DCLRE1C: variants seen among roughly 807,000 people sequenced by gnomAD.
The protein encoded by DCLRE1C is protein artemis.
In DCLRE1C, 47 loss-of-function variants were observed where a neutral mutation model predicts 61.4. The ratio of observed to expected loss-of-function variants is 0.77; its 90% CI spans 0.61 to 0.98. The LOEUF (loss-of-function observed/expected upper bound fraction) is 0.98. DCLRE1C is among the 50% of genes least tolerant of loss of function. The pLI is 0.00. For missense variants in DCLRE1C, 858 were observed against 816.0 expected, an observed-to-expected ratio of 1.05 and a Z score of -0.63; for synonymous variants, 337 against 287.6, an observed-to-expected ratio of 1.17 and a Z score of -1.74.
rs1834538808 is a variant in DCLRE1C, at chr10:14,907,726, ACTTT to A, written c.*678_*681del. Among the ~76,000 whole-genome samples the A allele has an allele frequency of 6.6e-6, 1 of 151,658 alleles. No individual in the cohort carries two copies. The highest frequency in any genetic ancestry group is 2.1e-4 in the South Asian group (1 of 4,806). The stretch of plus-strand genomic sequence containing the variant: ...TTTAACCTATCAATCACTTGAATTG[ACTTT>A]CTTTATAGACAGCAGATCACTGGGT... On this transcript the variant is annotated 3_prime_UTR_variant, in exon 14 of 14. Coordinates refer to ENST00000378278, the MANE Select transcript of DCLRE1C (RefSeq NM_001033855.3).
At chr10:14,923,204 A>C in intron 11 of DCLRE1C, 135 bp from the exon 12 acceptor site, 1 of 706,826 alleles carries the variant, frequency 1.4e-6, no homozygotes, top group Non-Finnish European at 2.5e-6. Context: ...GCACGTGGGG[A>C]TCACCAGGGA....
At chr10:14,938,756 C>A (rs1840392295) in intron 4 of DCLRE1C, among the ~76,000 whole-genome samples, 1 of 152,126 alleles carries the variant, frequency 6.6e-6, no homozygotes, top group African/African-American at 2.4e-5. Flanking sequence ...GAATTACCTG[C>A]AAAAATATTA....
At chr10:14,916,894 T>C (rs1277447021) in intron 13 of DCLRE1C, among the ~76,000 whole-genome samples, 3 of 152,174 alleles carry the variant, frequency 2.0e-5, no homozygotes, top group African/African-American at 7.2e-5. Flanking sequence ...GACATTTTTG[T>C]ACAAATTGGC....
At chr10:14,921,092 G>A (rs1259805622) in intron 12 of DCLRE1C, among the ~76,000 whole-genome samples, 3 of 152,090 alleles carry the variant, frequency 2.0e-5, no homozygotes, top group African/African-American at 7.2e-5. Context: ...GCCTAGGTGG[G>A]CAGATCACGA....
chr10:14,919,720 C>T lies in DCLRE1C; in HGVS notation c.1156+18G>A, dbSNP rs759078549. ...TGCAGGGAGCCCACCCCTCTGAACC[C>T]AGGACCATTTTTCTTACCTGAGTCT... On this transcript the variant is annotated intron_variant, in intron 13 of 13. Transcript: ENST00000378278. 1.2e-6 allele frequency: 2 copies of T among 1,600,146 alleles called. No individual in the cohort carries two copies. The highest frequency in any genetic ancestry group is 1.7e-6 in the Non-Finnish European group (2 of 1,167,562).
At chr10:14,935,647 T>C in intron 5 of DCLRE1C, 83 bp from the exon 6 acceptor site, 3 of 1,305,106 alleles carry the variant, frequency 2.3e-6, no homozygotes, top group Non-Finnish European at 3.3e-6. Flanking sequence ...GCATACTAAA[T>C]GCTTCCTGCA....
At chr10:14,935,923 T>C (rs1245340162) in intron 5 of DCLRE1C, among the ~76,000 whole-genome samples, 1 of 152,200 alleles carries the variant, frequency 6.6e-6, no homozygotes, top group African/African-American at 2.4e-5. Flanking sequence ...TTATTTTTAT[T>C]TTGAGATAAG....
chr10:14,949,046 A>G lies in DCLRE1C; in HGVS notation c.151T>C (p.Leu51=), dbSNP rs781559298. ...GLRAPTLKRR[L]ECSLKVYLYC... is the part of the protein sequence containing the mutation. ...AGCAAAATAAATTACCTGCACTCCAACCTTCTTTTCAAGGTAGGGGCTCTT... is the reference window on the plus strand; with the variant it reads ...AGCAAAATAAATTACCTGCACTCCAGCCTTCTTTTCAAGGTAGGGGCTCTT... The change falls in exon 2 of 14, where the codon TTG becomes CTG. Residue 51 remains leucine, a synonymous_variant. Transcript: ENST00000378278. 4 of 1,610,986 alleles carry G rather than the reference A, an allele frequency of 2.5e-6. No individual in the cohort carries two copies. The highest frequency in any genetic ancestry group is 3.3e-4 in the Middle Eastern group (2 of 6,034).
chr10:14,924,024 T>A (rs189206955), intron 11 of DCLRE1C, among the ~76,000 whole-genome samples: 18 of 152,308 alleles, frequency 1.2e-4, no homozygotes, highest in Non-Finnish European at 2.1e-4. Context: ...CATCATGCTG[T>A]CTGAAATAAG....
At chr10:14,898,090 G>GTGTA (rs1833715885) in exon 14 of DCLRE1C, 1 of 146,390 alleles carries the variant, frequency 6.8e-6, no homozygotes, top group Non-Finnish European at 1.5e-5. Flanking sequence ...TCATATATAT[G>GTGTA]TATATATATA....
Position 14,908,895 on chromosome 10 carries a change from T to G in DCLRE1C, c.1592A>C (p.His531Pro). The change falls in exon 14 of 14, where the codon CAC (histidine) becomes CCC (proline). Residue 531 changes from histidine to proline, a missense_variant. Around this residue, in one of 2 missense-constraint regions of DCLRE1C, gnomAD observed 843 missense variants for 783.5 expected, o/e 1.08. Coordinates refer to ENST00000378278, the MANE Select transcript of DCLRE1C (RefSeq NM_001033855.3). ...LFSDSDGEST[H>P]ISSQNSSQST... is the part of the protein sequence containing the mutation. ...CTGGGAAGAATTCTGGGAGGAGATG[T>G]GAGTTGATTCTCCATCAGAGTCACT... 1 of 1,614,200 alleles carries G rather than the reference T, an allele frequency of 6.2e-7. No individual in the cohort carries two copies. Among genetic ancestry groups the G allele is most frequent in the Non-Finnish European group, 8.5e-7 (1 of 1,180,034 alleles).
At chr10:14,919,207 G>A (rs186611960) in intron 13 of DCLRE1C, among the ~76,000 whole-genome samples, 20 of 152,202 alleles carry the variant, frequency 1.3e-4, no homozygotes, top group Non-Finnish European at 2.2e-4. Context: ...AGAATCTAAC[G>A]TTCTGATTAC....
downstream of DCLRE1C, among the ~76,000 whole-genome samples, chr10:14,901,791 C>T (rs909129547): frequency 6.6e-6 from 1 of 151,764 alleles, no homozygotes; most frequent in Non-Finnish European, 1.5e-5. Context: ...GTGAATAGCA[C>T]CACTGCACTC....
chr10:14,933,278 T>G (rs1383241322), intron 8 of DCLRE1C, among the ~76,000 whole-genome samples: 2 of 152,212 alleles, frequency 1.3e-5, no homozygotes, highest in Non-Finnish European at 2.9e-5. Flanking sequence ...ACCTACTATG[T>G]GTCGAGCTTT....
chr10:14,917,910 G>C (rs1375208222), intron 13 of DCLRE1C, among the ~76,000 whole-genome samples: 1 of 152,182 alleles, frequency 6.6e-6, no homozygotes, highest in Non-Finnish European at 1.5e-5. Context: ...CACATTAAAA[G>C]ATGCACAACC....
rs373709012 is a variant in DCLRE1C at position 14,909,099 on chromosome 10, ACTT to A, written c.1385_1387del (p.Glu462del). 1.5e-4 allele frequency: 249 copies of A among 1,614,202 alleles called. 1 individual carries two copies. In the East Asian group the frequency reaches 2.8e-3, roughly 18 times the overall value. ...TCCTTGCAGTGAAGCTGGGATTCCT[ACTT>A]CTTCTTCACTTTCACTGTTGGATTC... On this transcript the variant is annotated inframe_deletion, in exon 14 of 14. Transcript: ENST00000378278.
intron 13 of DCLRE1C, among the ~76,000 whole-genome samples, chr10:14,910,704 T>G (rs1835111291): frequency 6.6e-6 from 1 of 152,072 alleles, no homozygotes; most frequent in South Asian, 2.1e-4. Flanking sequence ...AAAAGGAGTG[T>G]GGATTGGGTA....
At chr10:14,943,443 G>A (rs2995240) in intron 3 of DCLRE1C, among the ~76,000 whole-genome samples, 23 of 152,160 alleles carry the variant, frequency 1.5e-4, no homozygotes, top group East Asian at 5.8e-4. Context: ...TTGGCCTTCT[G>A]ATTGGTTAGT....
chr10:14,932,791 C>T (rs565368542), intron 9 of DCLRE1C, 63 bp downstream of exon 9: 3 of 1,588,348 alleles, frequency 1.9e-6, no homozygotes, highest in Non-Finnish European at 2.6e-6. Context: ...AATGGAAGCC[C>T]TGACCTTTCT....
Sources: gnomAD v4.1 joint callset for allele counts (sites outside exome capture counted in the v4.1 genomes callset) on GRCh38, gnomAD v4.1.1 for gene constraint, gnomAD v4.1.1 regional missense constraint, MANE v1.5 for transcripts, NCBI Gene and HGNC (gene_info 2026-07-23, HGNC 2026-07-21) for gene names.